The following ZNF84 variants were observed in gnomAD, a reference collection of about 807,000 sequenced individuals.
ZNF84 encodes the protein zinc finger protein HPF2.
A neutral mutation model predicts 14.8 loss-of-function variants in ZNF84; 12 were observed. The ratio of observed to expected loss-of-function variants is 0.81; its 90% CI spans 0.52 to 1.31. ZNF84 has a LOEUF of 1.31. ZNF84 is among the 50% of genes most tolerant of loss of function. The pLI is 0.00. For synonymous variants in ZNF84, 347 were observed against 291.1 expected (o/e 1.19, Z -1.96); for missense variants, 859 against 878.6 (o/e 0.98, Z 0.28).
chr12:133,044,555 T>C (rs1953945067), intron 2 of ZNF84, among the ~76,000 whole-genome samples: 1 of 152,170 alleles, frequency 6.6e-6, no homozygotes, highest in African/African-American at 2.4e-5. Context: ...TCAGTTTCTT[T>C]AGCAGTTACA....
At position 133,057,169 on chromosome 12, in the gene ZNF84, A is replaced by G. The variant is rs1954173824; in HGVS notation, c.454A>G (p.Lys152Glu). ...GCTTATTCCAAAAGGAGATTATGGA[A>G]AAGCAGAATCAGATGACTTTAATGT... Reference protein sequence around the residue: ...DLLIPKGDYGKAESDDFNVFD... With the variant: ...DLLIPKGDYGEAESDDFNVFD... The change falls in exon 5 of 5, where the codon AAA becomes GAA. Residue 152 changes from lysine to glutamate, a missense_variant. Lys to Glu is a moderately conservative substitution (Grantham distance 56, BLOSUM62 1). Coordinates refer to ENST00000539354, the MANE Select transcript of ZNF84 (RefSeq NM_001289971.2). The G allele has an allele frequency of 2.5e-6, 4 of 1,611,146 alleles. No homozygotes were observed. The highest frequency in any genetic ancestry group is 3.4e-6 in the Non-Finnish European group (4 of 1,179,304).
chr12:133,048,736 G>T lies in ZNF84; in HGVS notation c.143-17G>T. ...AAGCAGTTGGGCCCAAGGCCTTTGT[G>T]ATTTTTCCCTTAACAGGGTATGAAG... is the stretch of plus-strand genomic sequence containing the variant. On this transcript the variant is annotated splice_polypyrimidine_tract_variant and intron_variant, in intron 3 of 4. Transcript: ENST00000539354. 1.9e-6 allele frequency: 3 copies of T among 1,610,592 alleles called. No homozygotes were observed. The South Asian group carries it at 3.3e-5, about 18-fold the overall frequency.
chr12:133,048,987 T>A, intron 4 of ZNF84, 139 bp downstream of exon 4: 1 of 622,306 alleles, frequency 1.6e-6, no homozygotes, highest in Non-Finnish European at 2.8e-6. Flanking sequence ...TGGTCATTGA[T>A]GGGTTGGCTG....
chr12:133,055,257 T>C (rs1427404348), intron 4 of ZNF84, among the ~76,000 whole-genome samples: 3 of 152,252 alleles, frequency 2.0e-5, no homozygotes, highest in African/African-American at 7.2e-5. Context: ...CTGATAGAGA[T>C]GGATTACAAA....
Position 133,058,225 on chromosome 12 carries a change from AATC to A in ZNF84, c.1515_1517del (p.His505del). On this transcript the variant is annotated inframe_deletion, in exon 5 of 5. Transcript: ENST00000539354. Reference sequence around the variant, plus strand: ...TTTCAGTGAAAAATTAAGTCTCACTAATCATCAAAGAATTCATACAGGAGAAAA... The same window carrying A: ...TTTCAGTGAAAAATTAAGTCTCACTAATCAAAGAATTCATACAGGAGAAAA... 9.3e-6 allele frequency: 15 copies of A among 1,613,972 alleles called. No homozygotes were observed. The highest frequency in any genetic ancestry group is 1.2e-5 in the Non-Finnish European group (14 of 1,179,952).
At chr12:133,046,944 A>G (rs1953992596) in intron 2 of ZNF84, among the ~76,000 whole-genome samples, 2 of 139,732 alleles carry the variant, frequency 1.4e-5, no homozygotes, top group South Asian at 2.2e-4. Context: ...TAATATTTAT[A>G]TTATATATTA....
intron 1 of ZNF84, chr12:133,039,022 T>C (rs2137314144): frequency 6.6e-6 from 1 of 152,358 alleles, no homozygotes; most frequent in African/African-American, 2.4e-5. Flanking sequence ...GGTGAGATCA[T>C]AGATAATAGT....
Position 133,058,680 on chromosome 12 carries a change from T to C in ZNF84, c.1965T>C (p.Phe655=). The change falls in exon 5 of 5, where the codon TTT becomes TTC. Residue 655 remains phenylalanine (F), a synonymous_variant. Transcript: ENST00000539354. Reference sequence around the variant, plus strand: ...GAATACATACAGGAGAGAAGCCTTTTGAATGCAGTGAGTGTGGCAAAGCTT... The same window carrying C: ...GAATACATACAGGAGAGAAGCCTTTCGAATGCAGTGAGTGTGGCAAAGCTT... ...HQRIHTGEKP[F]ECSECGKAFS... is the part of the protein sequence containing the mutation. 4 of 1,614,076 alleles carry C rather than the reference T, an allele frequency of 2.5e-6. No individual in the cohort carries two copies. The highest frequency in any genetic ancestry group is 3.4e-6 in the Non-Finnish European group (4 of 1,179,984).
At chr12:133,038,066 C>T (rs1953819130) in intron 1 of ZNF84, 1 of 151,854 alleles carries the variant, frequency 6.6e-6, no homozygotes, top group South Asian at 2.1e-4. Context: ...TATGGTGTAG[C>T]GAAATCTCCC....
intron 4 of ZNF84, among the ~76,000 whole-genome samples, chr12:133,052,437 G>A (rs1051494804): frequency 1.5e-3 from 227 of 152,164 alleles, no homozygotes; most frequent in Admixed American, 4.7e-3. Context: ...AACCTCCTGG[G>A]CTCAAGTGAT....
At chr12:133,043,309 C>T (rs1480520562) in intron 2 of ZNF84, among the ~76,000 whole-genome samples, 8 of 152,266 alleles carry the variant, frequency 5.3e-5, no homozygotes, top group East Asian at 1.9e-4. Flanking sequence ...GGACTACAGG[C>T]GCACGCTCCC....
Position 133,060,268 on chromosome 12 carries a change from T to TA in ZNF84, c.*1342dup, listed in dbSNP as rs1324317658. 3.9e-5 allele frequency: 6 copies of TA among 152,174 alleles called. No individual in the cohort carries two copies. The South Asian group carries it at 1.2e-3, about 31-fold the overall frequency. The allele number at this position is 152,174 out of a possible 1,614,324, so 9.4% of individuals were successfully genotyped here. ...AAAATTAGATGGATAAATGAATTAT[T>TA]AAAAAATCACATTTCTGAAGATGTA... On this transcript the variant is annotated 3_prime_UTR_variant, in exon 5 of 5. Transcript: ENST00000539354.
At chr12:133,046,986 T>A (rs1172845999) in intron 2 of ZNF84, among the ~76,000 whole-genome samples, 1 of 146,688 alleles carries the variant, frequency 6.8e-6, no homozygotes, top group African/African-American at 2.5e-5. Flanking sequence ...TATATATATA[T>A]AATACAGGTC....
chr12:133,037,613 G>C (rs1266896168), intron 1 of ZNF84, 68 bp downstream of exon 1: 4 of 152,104 alleles, frequency 2.6e-5, no homozygotes, highest in African/African-American at 9.7e-5. Flanking sequence ...AGGCGCGCGG[G>C]AGTGGCCGCG....
At position 133,062,552 on chromosome 12, in the gene ZNF84, C is replaced by G. The variant is rs1954282182; in HGVS notation, c.*3620C>G. On this transcript the variant is annotated 3_prime_UTR_variant, in exon 5 of 5. Coordinates refer to ENST00000539354, the MANE Select transcript of ZNF84 (RefSeq NM_001289971.2). ...GCTTTCAGATGTTCAACACCTACCC[C>G]TGGCCTAACTGCTGATAACCAACCA... The G allele has an allele frequency of 6.3e-6, 1 of 159,926 alleles. No homozygotes were observed. Among genetic ancestry groups the G allele is most frequent in the Non-Finnish European group, 1.4e-5 (1 of 72,166 alleles). 9.9% of individuals were successfully genotyped at this position (159,926 alleles called of 1,614,324 possible).
At chr12:133,040,717 A>G (rs1953872172) in intron 1 of ZNF84, 1 of 152,208 alleles carries the variant, frequency 6.6e-6, no homozygotes, top group Non-Finnish European at 1.5e-5. Context: ...CGCATCAAAC[A>G]ACATAGCCAT....
At chr12:133,047,588 C>T (rs368700472) in intron 2 of ZNF84, 3 of 159,922 alleles carry the variant, frequency 1.9e-5, no homozygotes, top group East Asian at 3.5e-4. Context: ...CTTCCGAGAA[C>T]GGACGAGACT....
chr12:133,051,141 A>T (rs1954062420), intron 4 of ZNF84, among the ~76,000 whole-genome samples: 1 of 139,144 alleles, frequency 7.2e-6, no homozygotes, highest in East Asian at 2.4e-4. Flanking sequence ...GTGGTAAGGC[A>T]GATTTGTAAT....
chr12:133,045,737 G>A (rs1431743194), intron 2 of ZNF84, among the ~76,000 whole-genome samples: 4 of 152,116 alleles, frequency 2.6e-5, no homozygotes, highest in Non-Finnish European at 5.9e-5. Flanking sequence ...GTCTGGGTAT[G>A]GATTTCCTTA....
Sources: gnomAD v4.1 joint callset for allele counts (sites outside exome capture counted in the v4.1 genomes callset) on GRCh38, gnomAD v4.1.1 for gene constraint, MANE v1.5 for transcripts, NCBI Gene and HGNC (gene_info 2026-07-23, HGNC 2026-07-21) for gene names.